PROKR2: variants seen among roughly 807,000 people sequenced by gnomAD.
PROKR2 encodes the protein G protein-coupled receptor 73-like 1.
PROKR2 carries 26 observed loss-of-function variants against 23.4 expected under a neutral mutation model. The observed-to-expected ratio is 1.11, with a 90% CI of 0.81 to 1.54. The LOEUF is 1.54. Ranked by LOEUF, PROKR2 falls within the 40% of genes most tolerant of loss-of-function variation. The pLI is 0.00. For synonymous variants in PROKR2, 212 were observed against 201.2 expected, an observed-to-expected ratio of 1.05 and a Z score of -0.45; for missense variants, 453 against 511.5, an observed-to-expected ratio of 0.89 and a Z score of 1.10.
chr20:5,302,784 C>T (rs750010024), intron 2 of PROKR2, 48 bp from the exon 3 acceptor site: 17 of 1,456,988 alleles, frequency 1.2e-5, no homozygotes, highest in East Asian at 9.1e-5. Flanking sequence ...TACGTGGAAA[C>T]GTTAGTTTGT....
intron 2 of PROKR2, among the ~76,000 whole-genome samples, chr20:5,310,434 G>T (rs1979393211): frequency 6.6e-6 from 1 of 152,182 alleles, no homozygotes; most frequent in Admixed American, 6.5e-5. Context: ...GGGAACACAA[G>T]CCTATCTAAT....
In PROKR2 at chr20:5,301,978, G is replaced by A; in HGVS notation, c.*62C>T. 6.8e-6 allele frequency: 10 copies of A among 1,478,120 alleles called. No individual in the cohort carries two copies. The highest frequency in any genetic ancestry group is 9.4e-6 in the Non-Finnish European group (10 of 1,067,628). 91.6% of individuals were successfully genotyped at this position (1,478,120 alleles called of 1,614,324 possible). ...ATTTCCCATGCAGCCTATGAACTTG[G>A]TTGATGGTGGGTGATGCTCTGAGTA... On this transcript the variant is annotated 3_prime_UTR_variant, in exon 3 of 3. Transcript: ENST00000678254.
chr20:5,315,757 C>T (rs1283747291), intron 1 of PROKR2: 1 of 436,864 alleles, frequency 2.3e-6, no homozygotes, highest in Non-Finnish European at 4.6e-6. Context: ...CGTCCACACC[C>T]GGAGGTGTCT....
intron 2 of PROKR2, among the ~76,000 whole-genome samples, chr20:5,303,198 C>T (rs1979077523): frequency 6.6e-6 from 1 of 152,116 alleles, no homozygotes; most frequent in South Asian, 2.1e-4. Flanking sequence ...GTCATTCTGC[C>T]CAAGAACATA....
At chr20:5,306,167 G>A (rs970086376) in intron 2 of PROKR2, among the ~76,000 whole-genome samples, 2 of 152,122 alleles carry the variant, frequency 1.3e-5, no homozygotes, top group African/African-American at 4.8e-5. Context: ...ATAGAACAAT[G>A]GCCACTAAGT....
At chr20:5,310,239 T>G (rs1421313180) in intron 2 of PROKR2, among the ~76,000 whole-genome samples, 2 of 152,210 alleles carry the variant, frequency 1.3e-5, no homozygotes, top group Non-Finnish European at 2.9e-5. Flanking sequence ...ATCTGTCTGC[T>G]TGGATGTGTT....
intron 2 of PROKR2, among the ~76,000 whole-genome samples, chr20:5,307,781 C>A (rs1428217388): frequency 6.6e-6 from 1 of 152,114 alleles, no homozygotes; most frequent in Non-Finnish European, 1.5e-5. Flanking sequence ...AATAATATGG[C>A]CTGCTGTAGA....
rs1461718981 is a variant in PROKR2, at chr20:5,302,456, A to G, written c.739T>C (p.Ser247Pro). The stretch of plus-strand genomic sequence containing the variant: ...ACTGCCTTGAACCAGAGCTCCCGGG[A>G]GATCCTGGCATAGCACAGGGTCATG... ...VTMTLCYARI[S>P]RELWFKAVPG... is the part of the protein sequence containing the mutation. The change falls in exon 3 of 3, where the codon TCC (serine) becomes CCC (proline). Residue 247 changes from serine to proline, a missense_variant. Coordinates refer to ENST00000678254, the MANE Select transcript of PROKR2 (RefSeq NM_144773.4). 11 of 1,614,222 alleles carry G rather than the reference A, an allele frequency of 6.8e-6. No homozygotes were observed. Among genetic ancestry groups the G allele is most frequent in the Non-Finnish European group, 9.3e-6 (11 of 1,180,038 alleles).
In PROKR2 at chr20:5,313,469, A is replaced by C. The variant is rs1979519210; in HGVS notation, c.458+443T>G. On this transcript the variant is annotated intron_variant, in intron 2 of 2. Coordinates refer to ENST00000678254, the MANE Select transcript of PROKR2 (RefSeq NM_144773.4). Reference sequence around the variant, plus strand: ...CAGATTGGTGGTTGCCTGGTGGGGGAGGATTGACTGGTGAGGAGCACAGAA... The same window carrying C: ...CAGATTGGTGGTTGCCTGGTGGGGGCGGATTGACTGGTGAGGAGCACAGAA... 2.0e-5 allele frequency among the ~76,000 whole-genome samples: 3 copies of C among 152,248 alleles called. No individual in the cohort carries two copies. The South Asian group carries it at 6.2e-4, about 32-fold the overall frequency.
chr20:5,310,591 C>A (rs1052917369), intron 2 of PROKR2, among the ~76,000 whole-genome samples: 2 of 58,582 alleles, frequency 3.4e-5, no homozygotes, highest in African/African-American at 1.7e-4. Flanking sequence ...AGAAGAGGAT[C>A]CTTACTCTTT....
At chr20:5,305,750 G>C (rs184161013) in intron 2 of PROKR2, among the ~76,000 whole-genome samples, 63 of 152,238 alleles carry the variant, frequency 4.1e-4, no homozygotes, top group African/African-American at 1.4e-3. Flanking sequence ...TACAGCACTG[G>C]CTGTCTGCAT....
In PROKR2 at chr20:5,299,338, T is replaced by C. The variant is rs564713830; in HGVS notation, c.*2702A>G. On this transcript the variant is annotated 3_prime_UTR_variant, in exon 3 of 3. Transcript: ENST00000678254. The stretch of plus-strand genomic sequence containing the variant: ...CAGTTAAATTTCAATGAAAGGAAGT[T>C]GGTATATTCTAGGACAAAAAGGAAC... Among the ~76,000 whole-genome samples, 128 of 152,274 alleles carry C rather than the reference T, an allele frequency of 8.4e-4. 1 individual carries two copies. Among genetic ancestry groups the C allele is most frequent in the African/African-American group, 2.9e-3 (119 of 41,562 alleles).
intron 2 of PROKR2, among the ~76,000 whole-genome samples, chr20:5,305,457 A>T (rs1397852714): frequency 6.6e-6 from 1 of 152,254 alleles, no homozygotes; most frequent in Non-Finnish European, 1.5e-5. Context: ...GGAGTCGTTG[A>T]TTCAGATTAC....
intron 2 of PROKR2, among the ~76,000 whole-genome samples, chr20:5,311,606 G>T (rs1044899633): frequency 1.3e-5 from 2 of 152,236 alleles, no homozygotes; most frequent in African/African-American, 4.8e-5. Flanking sequence ...ACAAAGTATT[G>T]ATCCTGGGTG....
intron 2 of PROKR2, among the ~76,000 whole-genome samples, chr20:5,310,296 G>A (rs547092734): frequency 7.2e-5 from 11 of 152,202 alleles, no homozygotes; most frequent in South Asian, 2.1e-4. Context: ...ACTTGAAATA[G>A]TACCTCCTCT....
Position 5,299,388 on chromosome 20 carries a change from C to T in PROKR2, c.*2652G>A, listed in dbSNP as rs1037991217. On this transcript the variant is annotated 3_prime_UTR_variant, in exon 3 of 3. Coordinates refer to ENST00000678254, the MANE Select transcript of PROKR2 (RefSeq NM_144773.4). ...CAGGGTGATGAATCCTGCTGACAGA[C>T]TTGACTGGTACATGGTCCATTCCTA... Among the ~76,000 whole-genome samples the T allele has an allele frequency of 1.1e-4, 16 of 152,236 alleles. No homozygotes were observed. Among genetic ancestry groups the T allele is most frequent in the African/African-American group, 3.6e-4 (15 of 41,570 alleles).
Position 5,316,506 on chromosome 20 carries a change from C to T in PROKR2, c.-21G>A. On this transcript the variant is annotated 5_prime_UTR_variant, in exon 1 of 3. Coordinates refer to ENST00000678254, the MANE Select transcript of PROKR2 (RefSeq NM_144773.4). This position sits in a 1 kb window ranked among gnomAD's most constrained non-coding sequence, Gnocchi z 5.0. ...TCTAAGCCCTTACCTGTCTCGGCGC[C>T]TCCTTTCTGTGCGCTCTGCTGCTCC... 2.7e-6 allele frequency: 1 copy of T among 374,114 alleles called. No homozygotes were observed. The highest frequency in any genetic ancestry group is 5.4e-6 in the Non-Finnish European group (1 of 185,886). The allele number at this position is 374,114 out of a possible 1,614,324, so 23.2% of individuals were successfully genotyped here.
rs536459363 is a variant in PROKR2 at position 5,307,619 on chromosome 20, T to A, written c.459-4883A>T. On this transcript the variant is annotated intron_variant, in intron 2 of 2. Transcript: ENST00000678254. ...TATTGATTGGTCCCCTTAGGGGATG[T>A]TTAGCTTGAATTGCACCTCTCAGTC... Among the ~76,000 whole-genome samples the A allele has an allele frequency of 2.0e-5, 3 of 152,358 alleles. No homozygotes were observed. In the East Asian group the frequency reaches 5.8e-4, roughly 29 times the overall value.
chr20:5,313,144 TTA>T (rs1979503982), intron 2 of PROKR2, among the ~76,000 whole-genome samples: 1 of 110,258 alleles, frequency 9.1e-6, no homozygotes, highest in African/African-American at 4.0e-5. Context: ...TTTACAATTA[TTA>T]TGTGTCAATT....
Sources: allele counts gnomAD v4.1 joint callset (sites outside exome capture counted in the v4.1 genomes callset), GRCh38; gene constraint gnomAD v4.1.1; non-coding constraint Gnocchi (gnomAD v3.1); transcripts MANE v1.5; gene names NCBI Gene and HGNC (gene_info 2026-07-23, HGNC 2026-07-21).